RNF150: variants seen among roughly 807,000 people sequenced by gnomAD.
RNF150 encodes ring finger protein 150.
Under a neutral mutation model 39.3 loss-of-function variants are expected in RNF150, and 24 were observed. The observed-to-expected ratio is 0.61, with a 90% confidence interval of 0.44 to 0.86. RNF150 has a LOEUF of 0.86. Ranked by LOEUF, RNF150 falls within the 40% of genes least tolerant of loss-of-function variation. The probability of loss-of-function intolerance (pLI) is 0.00; values close to 1 mark genes in which losing one functional copy is unlikely to be tolerated. For synonymous variants in RNF150, 255 were observed against 227.3 expected (o/e 1.12, Z -1.10); for missense variants, 502 against 587.8 (o/e 0.85, Z 1.51).
At chr4:141,022,443 G>C (rs1206330673) in intron 1 of RNF150, among the ~76,000 whole-genome samples, 1 of 152,136 alleles carries the variant, frequency 6.6e-6, no homozygotes, top group Non-Finnish European at 1.5e-5. Context: ...TGGCTTAATG[G>C]CTTTGTACAG....
In RNF150 at chr4:140,933,578, T is replaced by C. The variant is rs150889129; in HGVS notation, c.891-7505A>G. 4.9e-3 allele frequency among the ~76,000 whole-genome samples: 753 copies of C among 152,316 alleles called. 3 individuals are homozygous for C. Among genetic ancestry groups the C allele is most frequent in the African/African-American group, 0.017 (714 of 41,564 alleles). On this transcript the variant is annotated intron_variant, in intron 4 of 6. Transcript: ENST00000515673. Reference sequence around the variant, plus strand: ...GTTAAAGGATACTCAACCTGTATTATGATATGTATGGGTTGAAATGTAGGC... The same window carrying C: ...GTTAAAGGATACTCAACCTGTATTACGATATGTATGGGTTGAAATGTAGGC...
At chr4:140,886,062 G>C (rs185497265) in intron 6 of RNF150, among the ~76,000 whole-genome samples, 1 of 151,936 alleles carries the variant, frequency 6.6e-6, no homozygotes, top group Non-Finnish European at 1.5e-5. Context: ...GTGGTGGCAG[G>C]CGCCTGTAGT....
chr4:141,197,968 AATTAACAAGGCAATTTGATTGCTTTT>A (rs1728229482), intron 1 of RNF150, among the ~76,000 whole-genome samples: 1 of 152,114 alleles, frequency 6.6e-6, no homozygotes, highest in Non-Finnish European at 1.5e-5. Flanking sequence ...TTATTTTATC[AATTAACAAGGCAATTTGATTGCTTTT>A]ATTCACTACG....
At chr4:141,114,413 T>C (rs1254570867) in intron 1 of RNF150, among the ~76,000 whole-genome samples, 4 of 152,134 alleles carry the variant, frequency 2.6e-5, no homozygotes, top group Non-Finnish European at 5.9e-5. Context: ...AATAAATGAA[T>C]AAATTCCTGG....
chr4:141,163,538 A>G (rs1727549950), intron 1 of RNF150, among the ~76,000 whole-genome samples: 1 of 152,178 alleles, frequency 6.6e-6, no homozygotes, highest in Non-Finnish European at 1.5e-5. Context: ...GTTGACAGAC[A>G]CTTCATACAG....
chr4:140,939,721 T>C (rs906150334), intron 4 of RNF150, among the ~76,000 whole-genome samples: 2 of 151,830 alleles, frequency 1.3e-5, no homozygotes, highest in African/African-American at 4.8e-5. Context: ...GGCTTTTGAG[T>C]GACAGTTTGC....
Sources: allele counts gnomAD v4.1 joint callset (sites outside exome capture counted in the v4.1 genomes callset), GRCh38; gene constraint gnomAD v4.1.1; transcripts MANE v1.5; gene names NCBI Gene and HGNC (gene_info 2026-07-23, HGNC 2026-07-21).